SPINK8: variants seen among roughly 807,000 people sequenced by gnomAD.
SPINK8 encodes the protein serine peptidase inhibitor Kazal type 8 (putative), also known as serine protease inhibitor Kazal-type 8.
In SPINK8, 12 loss-of-function variants were observed where a neutral mutation model predicts 14.4. That is an observed-to-expected ratio of 0.83 (90% confidence interval 0.53 to 1.35). SPINK8 has a LOEUF of 1.35. SPINK8 is among the 40% of genes most tolerant of loss of function. The probability of loss-of-function intolerance (pLI) is 0.00; values close to 1 mark genes in which losing one functional copy is unlikely to be tolerated. For missense variants in SPINK8, 103 were observed against 117.0 expected, an observed-to-expected ratio of 0.88 and a Z score of 0.55; for synonymous variants, 32 against 37.6, an observed-to-expected ratio of 0.85 and a Z score of 0.55.
chr3:48,309,984 T>C, intron 6 of SPINK8, 38 bp from the exon 7 acceptor site: 4 of 1,373,308 alleles, frequency 2.9e-6, no homozygotes, highest in Non-Finnish European at 3.8e-6. Flanking sequence ...TTTTGCTGTA[T>C]GGTATATCAT....
intron 6 of SPINK8, among the ~76,000 whole-genome samples, chr3:48,310,651 C>T (rs1011447275): frequency 1.3e-5 from 2 of 152,064 alleles, no homozygotes; most frequent in Non-Finnish European, 2.9e-5. Flanking sequence ...GCATGCGCCA[C>T]CAGGCCCAGC....
intron 7 of SPINK8, 93 bp from the exon 8 acceptor site, chr3:48,307,096 G>C: frequency 1.7e-6 from 2 of 1,203,336 alleles, no homozygotes; most frequent in Non-Finnish European, 1.2e-6. Context: ...TTCAGCAGGG[G>C]AAATGCTAAA....
At chr3:48,328,851 C>T (rs2036180257) in intron 3 of SPINK8, among the ~76,000 whole-genome samples, 1 of 152,182 alleles carries the variant, frequency 6.6e-6, no homozygotes, top group Non-Finnish European at 1.5e-5. Flanking sequence ...AACCTCACTC[C>T]TTTACTTGTA....
chr3:48,332,426 C>T lies in SPINK8; in HGVS notation c.-196G>A, dbSNP rs535402432. Among the ~76,000 whole-genome samples the T allele has an allele frequency of 2.0e-5, 3 of 152,318 alleles. No individual in the cohort carries two copies. Among genetic ancestry groups the T allele is most frequent in the East Asian group, 3.9e-4 (2 of 5,192 alleles). On this transcript the variant is annotated 5_prime_UTR_variant, in exon 2 of 8. Transcript: ENST00000434006. ...GACAGAGAGGTATGCTTCCTCAATG[C>T]CTCCCTTAGTCTCTCCAGAAAGGCA...
intron 1 of SPINK8, among the ~76,000 whole-genome samples, chr3:48,333,035 TG>T (rs1308526268): frequency 6.8e-6 from 1 of 146,336 alleles, no homozygotes; most frequent in African/African-American, 2.5e-5. Flanking sequence ...CATTATTAGT[TG>T]GGGAAGGAGC....
chr3:48,308,084 C>T (rs1268475068), intron 7 of SPINK8, among the ~76,000 whole-genome samples: 1 of 150,636 alleles, frequency 6.6e-6, no homozygotes, highest in East Asian at 1.9e-4. Flanking sequence ...TGCCATTCAC[C>T]TGCCTCAGCC....
intron 6 of SPINK8, among the ~76,000 whole-genome samples, chr3:48,317,509 C>CATTT (rs911724772): frequency 1.8e-4 from 28 of 151,802 alleles, no homozygotes; most frequent in Admixed American, 3.3e-4. Context: ...AAAAAAGGAG[C>CATTT]ATTTATTTAT....
intron 4 of SPINK8, among the ~76,000 whole-genome samples, chr3:48,323,605 G>A (rs957550718): frequency 4.6e-5 from 7 of 152,146 alleles, no homozygotes; most frequent in African/African-American, 1.7e-4. Flanking sequence ...TCCATGTTGA[G>A]GCATTATAAT....
intron 5 of SPINK8, among the ~76,000 whole-genome samples, chr3:48,320,332 A>G (rs1285241107): frequency 1.3e-5 from 2 of 151,970 alleles, no homozygotes; most frequent in African/African-American, 4.8e-5. Context: ...GGCAGACCAT[A>G]AGGTCAGGAG....
At chr3:48,323,638 A>G (rs2036103916) in intron 4 of SPINK8, among the ~76,000 whole-genome samples, 1 of 152,186 alleles carries the variant, frequency 6.6e-6, no homozygotes, top group South Asian at 2.1e-4. Context: ...TGTGAGGAAA[A>G]GGTCCACATT....
intron 4 of SPINK8, among the ~76,000 whole-genome samples, chr3:48,323,668 A>G (rs1048004108): frequency 6.6e-6 from 1 of 152,190 alleles, no homozygotes; most frequent in African/African-American, 2.4e-5. Flanking sequence ...GTATATAGAT[A>G]TCCAGTTGTC....
chr3:48,306,967 G>C lies in SPINK8; in HGVS notation c.*25C>G, dbSNP rs1294680543. 2.5e-6 allele frequency: 4 copies of C among 1,611,758 alleles called. No homozygotes were observed. The highest frequency in any genetic ancestry group is 3.4e-6 in the Non-Finnish European group (4 of 1,178,700). Reference sequence around the variant, plus strand: ...CACTTGGCAATCTGGAGATTCAGTAGGTTTTATAATTCTTTGTCGTACGTT... The same window carrying C: ...CACTTGGCAATCTGGAGATTCAGTACGTTTTATAATTCTTTGTCGTACGTT... On this transcript the variant is annotated 3_prime_UTR_variant, in exon 8 of 8. Transcript: ENST00000434006.
At chr3:48,328,856 C>G (rs1262833425) in intron 3 of SPINK8, among the ~76,000 whole-genome samples, 1 of 152,182 alleles carries the variant, frequency 6.6e-6, no homozygotes, top group African/African-American at 2.4e-5. Context: ...CACTCCTTTA[C>G]TTGTAATCTT....
At chr3:48,326,133 C>T (rs780870913) in intron 4 of SPINK8, among the ~76,000 whole-genome samples, 12 of 152,008 alleles carry the variant, frequency 7.9e-5, no homozygotes, top group Non-Finnish European at 1.8e-4. Flanking sequence ...ACGACGTGTC[C>T]TTCTGAGGGA....
intron 6 of SPINK8, among the ~76,000 whole-genome samples, chr3:48,310,747 C>T (rs186802270): frequency 1.1e-4 from 17 of 152,284 alleles, no homozygotes; most frequent in African/African-American, 4.1e-4. Flanking sequence ...GATCCACCCG[C>T]TTCGGCCTCC....
chr3:48,329,719 G>A (rs2036219967), intron 2 of SPINK8, among the ~76,000 whole-genome samples: 1 of 152,192 alleles, frequency 6.6e-6, no homozygotes, highest in Non-Finnish European at 1.5e-5. Flanking sequence ...CTGAAGTACA[G>A]TGGCATAATC....
At chr3:48,327,964 T>C (rs2036168839) in intron 4 of SPINK8, among the ~76,000 whole-genome samples, 1 of 152,208 alleles carries the variant, frequency 6.6e-6, no homozygotes, top group East Asian at 1.9e-4. Context: ...AATGAGTTTC[T>C]TTTTTTGATT....
intron 6 of SPINK8, among the ~76,000 whole-genome samples, chr3:48,318,281 C>T (rs1019095219): frequency 1.3e-5 from 2 of 152,158 alleles, no homozygotes; most frequent in Non-Finnish European, 2.9e-5. Context: ...GCTGGGATTA[C>T]AGGCATGCAC....
chr3:48,312,265 G>A (rs767467524), intron 6 of SPINK8, among the ~76,000 whole-genome samples: 16 of 152,226 alleles, frequency 1.1e-4, no homozygotes, highest in Non-Finnish European at 1.5e-4. Flanking sequence ...TTTCAACAAG[G>A]GTACCAAGGC....
Sources: gnomAD v4.1 joint callset for allele counts (sites outside exome capture counted in the v4.1 genomes callset) on GRCh38, gnomAD v4.1.1 for gene constraint, MANE v1.5 for transcripts, NCBI Gene and HGNC (gene_info 2026-07-23, HGNC 2026-07-21) for gene names.